TLK1: variants seen among roughly 807,000 people sequenced by gnomAD.
The protein encoded by TLK1 is tousled like kinase 1, also known as serine/threonine-protein kinase tousled-like 1.
Under a neutral mutation model 105.3 loss-of-function variants are expected in TLK1, and 24 were observed. The observed-to-expected ratio is 0.23, with a 90% CI of 0.17 to 0.32. TLK1 has a LOEUF of 0.32. Among genes scored for constraint, TLK1 ranks in the 10% least tolerant of loss-of-function variants. The pLI is 1.00. For missense variants in TLK1, 558 were observed against 910.5 expected (o/e 0.61, Z 4.98); for synonymous variants, 321 against 310.4 (o/e 1.03, Z -0.36).
At chr2:171,213,321 G>A (rs186677892) in intron 1 of TLK1, among the ~76,000 whole-genome samples, 1 of 151,568 alleles carries the variant, frequency 6.6e-6, no homozygotes, top group Non-Finnish European at 1.5e-5. Context: ...CCCAACCTCA[G>A]CCTGCCAGGT....
chr2:171,211,687 T>A (rs921558847), intron 1 of TLK1, among the ~76,000 whole-genome samples: 2 of 152,016 alleles, frequency 1.3e-5, no homozygotes, highest in Non-Finnish European at 1.5e-5. Flanking sequence ...ATAGCTGGGA[T>A]TACAGGCGCA....
At chr2:171,180,823 C>CTTTTTT (rs57223904) in intron 1 of TLK1, among the ~76,000 whole-genome samples, 6 of 123,138 alleles carry the variant, frequency 4.9e-5, no homozygotes, top group Non-Finnish European at 5.4e-5. Flanking sequence ...TAAGAGGATG[C>CTTTTTT]TTTTTTTTTT....
chr2:171,142,015 G>T (rs1007350922), intron 1 of TLK1, among the ~76,000 whole-genome samples: 2 of 151,930 alleles, frequency 1.3e-5, no homozygotes, highest in Non-Finnish European at 2.9e-5. Context: ...TTCTGGAGAG[G>T]GAAATGTACA....
intron 12 of TLK1, among the ~76,000 whole-genome samples, chr2:171,027,078 A>AT (rs1461161511): frequency 1.3e-5 from 2 of 152,150 alleles, no homozygotes; most frequent in Non-Finnish European, 2.9e-5. Context: ...ATAATTTTCT[A>AT]TTCCCTATAA....
At chr2:171,074,626 C>CAAAAAAAAAAAAAAA in intron 3 of TLK1, among the ~76,000 whole-genome samples, 2 of 89,924 alleles carry the variant, frequency 2.2e-5, no homozygotes, top group Non-Finnish European at 4.7e-5. Context: ...GACTCTGCCT[C>CAAAAAAAAAAAAAAA]AAAAAAAAAA....
At chr2:171,034,647 G>C (rs1686231650) in intron 11 of TLK1, among the ~76,000 whole-genome samples, 1 of 152,280 alleles carries the variant, frequency 6.6e-6, no homozygotes, top group South Asian at 2.1e-4. Flanking sequence ...AAACAGTTTT[G>C]AAACTAGAGA....
At chr2:171,045,206 T>C (rs1394844170) in intron 11 of TLK1, 2 of 147,010 alleles carry the variant, frequency 1.4e-5, no homozygotes, top group African/African-American at 5.0e-5. Context: ...ATACAAGACA[T>C]TAGAGGGTAC....
At position 171,031,591 on chromosome 2, in the gene TLK1, ATTT is replaced by A. The variant is rs1484832880; in HGVS notation, c.1170-3189_1170-3187del. Among the ~76,000 whole-genome samples the A allele has an allele frequency of 4.6e-5, 7 of 151,094 alleles. No homozygotes were observed. In the South Asian group the frequency reaches 6.2e-4, roughly 13 times the overall value. Reference sequence around the variant, plus strand: ...ATTTTTATTACACAAACATAAAAATATTTTATTATGCACACATAACAATGTATT... The same window carrying A: ...ATTTTTATTACACAAACATAAAAATATATTATGCACACATAACAATGTATT... On this transcript the variant is annotated intron_variant, in intron 11 of 20. Coordinates refer to ENST00000431350, the MANE Select transcript of TLK1 (RefSeq NM_012290.5).
At chr2:171,203,320 A>G (rs1693438042) in intron 1 of TLK1, among the ~76,000 whole-genome samples, 1 of 151,916 alleles carries the variant, frequency 6.6e-6, no homozygotes, top group South Asian at 2.1e-4. Flanking sequence ...TAAAACTAAA[A>G]CTCTATACTC....
At chr2:171,061,242 C>CA (rs1687734080) in intron 3 of TLK1, 86 bp from the exon 4 acceptor site, 3 of 1,288,012 alleles carry the variant, frequency 2.3e-6, no homozygotes, top group African/African-American at 1.5e-5. Context: ...GTTTCGAGAC[C>CA]AAAAAAATAG....
intron 18 of TLK1, among the ~76,000 whole-genome samples, chr2:171,000,582 G>A (rs1017877160): frequency 1.3e-5 from 2 of 152,168 alleles, no homozygotes; most frequent in Non-Finnish European, 1.5e-5. Context: ...AGTGGATTAT[G>A]ACAAAAGTTT....
chr2:171,054,781 C>A, intron 7 of TLK1: 1 of 191,924 alleles, frequency 5.2e-6, no homozygotes, highest in Non-Finnish European at 1.1e-5. Flanking sequence ...TTAATGTCCA[C>A]TTCTAAAAAA....
At chr2:171,087,707 T>A (rs765154487) in intron 2 of TLK1, among the ~76,000 whole-genome samples, 1 of 151,788 alleles carries the variant, frequency 6.6e-6, no homozygotes, top group African/African-American at 2.4e-5. Context: ...AAGAAAACAA[T>A]CTTGAAAGCA....
At chr2:171,111,609 T>C (rs1690173542) in intron 2 of TLK1, among the ~76,000 whole-genome samples, 1 of 147,900 alleles carries the variant, frequency 6.8e-6, no homozygotes, top group Admixed American at 6.7e-5. Flanking sequence ...AAAGCCACCA[T>C]TCTAAATAAG....
At chr2:171,008,850 G>A (rs1684768014) in intron 14 of TLK1, among the ~76,000 whole-genome samples, 1 of 152,070 alleles carries the variant, frequency 6.6e-6, no homozygotes, top group Non-Finnish European at 1.5e-5. Context: ...ACCTATGAGG[G>A]TAAAATAGTT....
chr2:171,101,372 C>T (rs1270973962), intron 2 of TLK1, among the ~76,000 whole-genome samples: 1 of 102,392 alleles, frequency 9.8e-6, no homozygotes, highest in African/African-American at 4.7e-5. Flanking sequence ...AAAAGCCAGG[C>T]ACAAAATAAC....
intron 3 of TLK1, among the ~76,000 whole-genome samples, chr2:171,069,583 C>T (rs1011847761): frequency 1.3e-5 from 2 of 152,130 alleles, no homozygotes; most frequent in Non-Finnish European, 2.9e-5. Context: ...GAACCCCACC[C>T]CTCAAAATTT....
chr2:171,007,732 C>T (rs1414225470), intron 14 of TLK1, among the ~76,000 whole-genome samples: 1 of 152,056 alleles, frequency 6.6e-6, no homozygotes, highest in Non-Finnish European at 1.5e-5. Flanking sequence ...CCAGTAAACA[C>T]ATCAGTATTT....
At chr2:171,168,089 AT>A (rs1464469710) in intron 1 of TLK1, among the ~76,000 whole-genome samples, 1 of 152,130 alleles carries the variant, frequency 6.6e-6, no homozygotes, top group Non-Finnish European at 1.5e-5. Context: ...TACCCTGGAC[AT>A]TGTTTCTGCA....
Sources: allele counts gnomAD v4.1 joint callset (sites outside exome capture counted in the v4.1 genomes callset), GRCh38; gene constraint gnomAD v4.1.1; transcripts MANE v1.5; gene names NCBI Gene and HGNC (gene_info 2026-07-23, HGNC 2026-07-21).